The following APELA variants were observed in gnomAD, a reference collection of about 807,000 sequenced individuals.
The protein encoded by APELA is protein Elabela.
In APELA at chr4:164,879,644, C is replaced by G. The variant is rs145464048; in HGVS notation, c.*1+635C>G. ...ATTTTTTGTAGAGATGAGGGTTCCCCATTTTGCGCAGGCTGGTCTCGAACT... is the reference window on the plus strand; with the variant it reads ...ATTTTTTGTAGAGATGAGGGTTCCCGATTTTGCGCAGGCTGGTCTCGAACT... On this transcript the variant is annotated intron_variant, in intron 2 of 2. Coordinates refer to ENST00000507152, the MANE Select transcript of APELA (RefSeq NM_001297550.2). Among the ~76,000 whole-genome samples the G allele has an allele frequency of 3.1e-3, 472 of 152,282 alleles. 1 individual carries two copies. Among genetic ancestry groups the G allele is most frequent in the African/African-American group, 0.011 (462 of 41,558 alleles).
At chr4:164,881,724 A>G (rs1730656949) in intron 2 of APELA, among the ~76,000 whole-genome samples, 1 of 151,966 alleles carries the variant, frequency 6.6e-6, no homozygotes, top group Non-Finnish European at 1.5e-5. Flanking sequence ...CAGCACATCA[A>G]TGCTTTTATT....
At chr4:164,883,383 A>G (rs1343963709) in intron 2 of APELA, among the ~76,000 whole-genome samples, 1 of 152,076 alleles carries the variant, frequency 6.6e-6, no homozygotes. Context: ...CTCTTACTTC[A>G]AGTGAAATAG....
At chr4:164,886,143 G>T (rs1340850662) in intron 2 of APELA, among the ~76,000 whole-genome samples, 1 of 50,556 alleles carries the variant, frequency 2.0e-5, no homozygotes, top group Admixed American at 1.7e-4. Flanking sequence ...ACAAGATTTA[G>T]CCCCTAAAGC....
intron 2 of APELA, among the ~76,000 whole-genome samples, chr4:164,884,113 GAAAGAA>G (rs1730717104): frequency 4.1e-5 from 1 of 24,602 alleles, no homozygotes; most frequent in Non-Finnish European, 7.6e-5. Context: ...ATGAAAGAAA[GAAAGAA>G]AGAGAAAGAA....
chr4:164,884,795 A>C (rs553118947), intron 2 of APELA, among the ~76,000 whole-genome samples: 1 of 152,320 alleles, frequency 6.6e-6, no homozygotes, highest in African/African-American at 2.4e-5. Flanking sequence ...ATTACTTTAA[A>C]ATCAGTCCAT....
chr4:164,882,345 T>C (rs1730670196), intron 2 of APELA, among the ~76,000 whole-genome samples: 1 of 151,632 alleles, frequency 6.6e-6, no homozygotes, highest in South Asian at 2.1e-4. Flanking sequence ...TCAGGTGATC[T>C]GCCCCCCCTC....
chr4:164,897,657 T>C (rs1731001570), downstream of APELA: 1 of 152,202 alleles, frequency 6.6e-6, no homozygotes, highest in African/African-American at 2.4e-5. Flanking sequence ...CTGAACAGCC[T>C]CGATACAGCC....
rs1730572094 is a variant in APELA, at chr4:164,877,250, G to A, written c.-82G>A. ...GGTTTGTCACTAGAATGTGAAGACA[G>A]CCACACAGATATTGCACAGACTATT... On this transcript the variant is annotated 5_prime_UTR_variant, in exon 1 of 3. Coordinates refer to ENST00000507152, the MANE Select transcript of APELA (RefSeq NM_001297550.2). 2.5e-6 allele frequency: 1 copy of A among 397,516 alleles called. No individual in the cohort carries two copies. The highest frequency in any genetic ancestry group is 2.1e-5 in the African/African-American group (1 of 48,574). The allele number at this position is 397,516 out of a possible 1,614,324, so 24.6% of individuals were successfully genotyped here.
At chr4:164,878,356 T>C (rs1344026890) in intron 1 of APELA, among the ~76,000 whole-genome samples, 1 of 152,170 alleles carries the variant, frequency 6.6e-6, no homozygotes, top group African/African-American at 2.4e-5. Context: ...ATGCATCACT[T>C]GTTAAAAATT....
intron 2 of APELA, among the ~76,000 whole-genome samples, chr4:164,883,629 G>T (rs541141543): frequency 6.6e-6 from 1 of 151,670 alleles, no homozygotes. Flanking sequence ...TGACAGTACC[G>T]GTGTGTGCCA....
chr4:164,890,943 T>C (rs1390491587), intron 2 of APELA, among the ~76,000 whole-genome samples: 1 of 152,210 alleles, frequency 6.6e-6, no homozygotes, highest in Non-Finnish European at 1.5e-5. Context: ...TGACAACTTA[T>C]TGTGGTTTTG....
downstream of APELA, chr4:164,897,600 C>T (rs535499851): frequency 6.8e-6 from 1 of 146,380 alleles, no homozygotes; most frequent in South Asian, 2.1e-4. Context: ...TTCCTGATGC[C>T]CGTCTCTGTT....
At position 164,878,927 on chromosome 4, in the gene APELA, G is replaced by C. The variant is rs1730605859; in HGVS notation, c.84G>C (p.Leu28Phe). ...TCTCTCTTTTTCCTTCAGTTAATTT[G>C]ACCATGAGAAGAAAACTGCGCAAAC... ...LLISGQRPVN[L>F]TMRRKLRKHN... The change falls in exon 2 of 3, where the codon TTG becomes TTC. Residue 28 changes from leucine to phenylalanine, a missense_variant. Physicochemically the swap from Leu to Phe is conservative, Grantham distance 22. Transcript: ENST00000507152. The C allele has an allele frequency of 5.0e-6, 2 of 398,724 alleles. No individual in the cohort carries two copies. The highest frequency in any genetic ancestry group is 8.8e-6 in the Non-Finnish European group (2 of 226,006). The allele number at this position is 398,724 out of a possible 1,614,324, so 24.7% of individuals were successfully genotyped here. A position where few individuals can be genotyped will look rare whatever the true frequency, so the allele number is the denominator to read the frequency against.
chr4:164,882,337 A>G (rs1730669810), intron 2 of APELA, among the ~76,000 whole-genome samples: 1 of 151,716 alleles, frequency 6.6e-6, no homozygotes, highest in African/African-American at 2.4e-5. Context: ...TCCCGACCTC[A>G]GGTGATCTGC....
intron 2 of APELA, among the ~76,000 whole-genome samples, chr4:164,884,729 A>G (rs1730735635): frequency 6.6e-6 from 1 of 152,172 alleles, no homozygotes; most frequent in Admixed American, 6.5e-5. Context: ...CCCTTATCCT[A>G]TCATAACAAT....
At chr4:164,883,734 C>A (rs1433327365) in intron 2 of APELA, among the ~76,000 whole-genome samples, 1 of 151,680 alleles carries the variant, frequency 6.6e-6, no homozygotes, top group Non-Finnish European at 1.5e-5. Flanking sequence ...AATCCTCTTA[C>A]CTTGGCCTCC....
chr4:164,883,885 T>A, intron 2 of APELA, among the ~76,000 whole-genome samples: 1 of 146,784 alleles, frequency 6.8e-6, no homozygotes. Flanking sequence ...CCCCAGAATG[T>A]TCAATATGTC....
At chr4:164,895,015 C>T (rs543299609) in intron 2 of APELA, among the ~76,000 whole-genome samples, 1 of 152,244 alleles carries the variant, frequency 6.6e-6, no homozygotes, top group Non-Finnish European at 1.5e-5. Flanking sequence ...GCCTTCATGT[C>T]TTCAGGAGGG....
chr4:164,887,618 T>TTC (rs928347243), intron 2 of APELA, among the ~76,000 whole-genome samples: 28 of 119,652 alleles, frequency 2.3e-4, no homozygotes, highest in African/African-American at 6.9e-4. Flanking sequence ...CTTACTAAAT[T>TTC]TTTTTTTTTT....
Sources: allele counts gnomAD v4.1 joint callset (sites outside exome capture counted in the v4.1 genomes callset), GRCh38; gene constraint gnomAD v4.1.1; transcripts MANE v1.5; gene names NCBI Gene and HGNC (gene_info 2026-07-23, HGNC 2026-07-21).